PLK3: variants seen among roughly 807,000 people sequenced by gnomAD.
PLK3 encodes the protein polo like kinase 3.
PLK3 carries 41 observed loss-of-function variants against 71.6 expected under a neutral mutation model. The ratio of observed to expected loss-of-function variants is 0.57; its 90% CI spans 0.45 to 0.74. PLK3 has a LOEUF of 0.74. Among genes scored for constraint, PLK3 ranks in the 30% least tolerant of loss-of-function variants. The pLI is 0.00. For missense variants in PLK3, 791 were observed against 875.6 expected (o/e 0.90, Z 1.22); for synonymous variants, 366 against 355.4 (o/e 1.03, Z -0.33).
intron 3 of PLK3, 125 bp from the exon 4 acceptor site, chr1:44,801,494 CACT>C (rs1651828597): frequency 1.0e-6 from 1 of 1,004,224 alleles, no homozygotes; most frequent in African/African-American, 1.6e-5. Context: ...AGGCGTGAGC[CACT>C]ACACCCAGCC....
rs1263454736 is a variant in PLK3, at chr1:44,804,677, A to C, written c.1533A>C (p.Thr511=). Residue 511 remains threonine, a synonymous_variant, in exon 13 of 15, where the codon ACA becomes ACC. Coordinates refer to ENST00000372201, the MANE Select transcript of PLK3 (RefSeq NM_004073.4). ...CTGTGCACTACAATCCCACCAGCACAAAGCACTTCTCCTTCTCCGTGGGTG... is the reference window on the plus strand; with the variant it reads ...CTGTGCACTACAATCCCACCAGCACCAAGCACTTCTCCTTCTCCGTGGGTG... ...RKTVHYNPTS[T]KHFSFSVGAV... 1.2e-6 allele frequency: 2 copies of C among 1,613,972 alleles called. No homozygotes were observed. The highest frequency in any genetic ancestry group is 1.7e-6 in the Non-Finnish European group (2 of 1,179,992).
chr1:44,801,075 C>G lies in PLK3; in HGVS notation c.358C>G (p.Arg120Gly), dbSNP rs141583375. The G allele has an allele frequency of 6.8e-6, 11 of 1,613,720 alleles. No individual in the cohort carries two copies. The African/African-American group carries it at 1.5e-4, about 22-fold the overall frequency. Residue 120 changes from arginine to glycine, a missense_variant, in exon 3 of 15, where the codon CGC becomes GGC. Arg to Gly is a moderately radical substitution (Grantham distance 125). Transcript: ENST00000372201. The part of the protein sequence containing the change: ...EIELHRDLQH[R>G]HIVRFSHHFE... Reference sequence around the variant, plus strand: ...TGAGCTGCACCGAGACCTGCAGCACCGCCACATCGTGCGTTTTTCGCACCA... The same window carrying G: ...TGAGCTGCACCGAGACCTGCAGCACGGCCACATCGTGCGTTTTTCGCACCA...
At position 44,802,363 on chromosome 1, in the gene PLK3, G is replaced by A. The variant is rs577777639; in HGVS notation, c.654-397G>A. On this transcript the variant is annotated intron_variant, in intron 5 of 14. Coordinates refer to ENST00000372201, the MANE Select transcript of PLK3 (RefSeq NM_004073.4). ...ACTTTGTGTGTGTGACACAGATAGC[G>A]TATGTGGCAGATGAGTGTTTATGGG... 6.6e-5 allele frequency among the ~76,000 whole-genome samples: 10 copies of A among 152,270 alleles called. No individual in the cohort carries two copies. In the East Asian group the frequency reaches 7.7e-4, roughly 12 times the overall value.
rs759839341 is a variant in PLK3, at chr1:44,804,795, C to T, written c.1635+16C>T. 6.2e-7 allele frequency: 1 copy of T among 1,612,750 alleles called. No homozygotes were observed. The highest frequency in any genetic ancestry group is 1.7e-5 in the Admixed American group (1 of 59,894). On this transcript the variant is annotated intron_variant, in intron 13 of 14. Coordinates refer to ENST00000372201, the MANE Select transcript of PLK3 (RefSeq NM_004073.4). ...CCTCATGAAGGTGTGAGGGCTGGGGCTGTGGTACATTGAAACCTAACCCAT... is the reference window on the plus strand; with the variant it reads ...CCTCATGAAGGTGTGAGGGCTGGGGTTGTGGTACATTGAAACCTAACCCAT...
chr1:44,803,369 C>A lies in PLK3; in HGVS notation c.1050C>A (p.Ser350Arg). 1.2e-6 allele frequency: 2 copies of A among 1,614,066 alleles called. No homozygotes were observed. Among genetic ancestry groups the A allele is most frequent in the Non-Finnish European group, 1.7e-6 (2 of 1,180,024 alleles). The part of the protein sequence containing the change: ...ARSLFAKVTK[S>R]LFGRKKKSKN... ...GTCTGTTTGCCAAAGTTACCAAGAG[C>A]CTCTTTGGCAGAAAGAAGAAGAGTG... The change falls in exon 8 of 15, where the codon AGC becomes AGA. Residue 350 changes from serine (S) to arginine (R), a missense_variant. By Grantham distance (110) the Ser-to-Arg change is moderately radical (BLOSUM62 -1). Transcript: ENST00000372201. This position sits in a 1 kb window ranked among gnomAD's most constrained non-coding sequence, Gnocchi z 4.3.
Position 44,800,635 on chromosome 1 carries a change from A to G in PLK3, c.172A>G (p.Ser58Gly). The G allele has an allele frequency of 6.5e-7, 1 of 1,543,342 alleles. No homozygotes were observed. Among genetic ancestry groups the G allele is most frequent in the Non-Finnish European group, 8.7e-7 (1 of 1,148,048 alleles). The change falls in exon 1 of 15, where the codon AGC (serine) becomes GGC (glycine). Residue 58 changes from serine (S) to glycine (G), a missense_variant. By Grantham distance (56) the Ser-to-Gly change is moderately conservative. Transcript: ENST00000372201. The surrounding 1 kb of genome is among the most constrained non-coding windows in gnomAD (Gnocchi z 6.5). ...CGGGCGCCTCATCACGGACCCGCGC[A>G]GCGGCCGCACCTACCTCAAAGGCCG... is the stretch of plus-strand genomic sequence containing the variant. ...DPGRLITDPR[S>G]GRTYLKGRLL... is the part of the protein sequence containing the mutation.
chr1:44,803,104 G>T lies in PLK3; in HGVS notation c.899G>T (p.Arg300Leu), dbSNP rs549813850. Residue 300 changes from arginine (R) to leucine (L), a missense_variant, in exon 7 of 15, where the codon CGA becomes CTA. Coordinates refer to ENST00000372201, the MANE Select transcript of PLK3 (RefSeq NM_004073.4). The surrounding 1 kb of genome is among the most constrained non-coding windows in gnomAD (Gnocchi z 4.3). ...GCCGCCATCCTTCGGGCCTCACCCC[G>T]AGACCGCCCCTCTATTGACCAGATC... ...LLAAILRASP[R>L]DRPSIDQILR... 6.2e-7 allele frequency: 1 copy of T among 1,613,710 alleles called. No homozygotes were observed. Among genetic ancestry groups the T allele is most frequent in the Admixed American group, 1.7e-5 (1 of 60,002 alleles).
intron 10 of PLK3, 39 bp downstream of exon 10, chr1:44,804,063 T>A: frequency 6.5e-7 from 1 of 1,546,722 alleles, no homozygotes; most frequent in Non-Finnish European, 8.9e-7. Flanking sequence ...TAGAGGTTGC[T>A]GGAGCTGAGA....
chr1:44,801,203 C>CTTTTTTTT (rs34463102), intron 3 of PLK3, 51 bp downstream of exon 3: 18 of 345,244 alleles, frequency 5.2e-5, no homozygotes, highest in African/African-American at 7.2e-5. Context: ...AGAAGACAGT[C>CTTTTTTTT]TTTTTTTTTT....
chr1:44,805,120 A>G (rs1651981032), intron 13 of PLK3, 146 bp from the exon 14 acceptor site: 1 of 620,948 alleles, frequency 1.6e-6, no homozygotes, highest in Admixed American at 2.9e-5. Flanking sequence ...AAAAAAAATA[A>G]AGAAAAGAAA....
At position 44,804,737 on chromosome 1, in the gene PLK3, C is replaced by T; in HGVS notation, c.1593C>T (p.Ile531=). ...GGGCCCTGCAGCCTCAGCTGGGTAT[C>T]CTGCGGTACTTCGCCTCCTACATGG... The part of the protein sequence containing the change: ...VPRALQPQLG[I]LRYFASYMEQ... The change falls in exon 13 of 15, where the codon ATC becomes ATT. Residue 531 remains isoleucine (I), a synonymous_variant. Coordinates refer to ENST00000372201, the MANE Select transcript of PLK3 (RefSeq NM_004073.4). 6.2e-7 allele frequency: 1 copy of T among 1,614,090 alleles called. No homozygotes were observed. Among genetic ancestry groups the T allele is most frequent in the Non-Finnish European group, 8.5e-7 (1 of 1,179,962 alleles).
Position 44,803,496 on chromosome 1 carries a change from C to T in PLK3, c.1073-104C>T. 3.8e-6 allele frequency: 6 copies of T among 1,584,458 alleles called. No homozygotes were observed. ...GGTGCCTGGAAACTCCTGGGGAGAGCATGTGCAGTACAGGCACTTGGGGAG... is the reference window on the plus strand; with the variant it reads ...GGTGCCTGGAAACTCCTGGGGAGAGTATGTGCAGTACAGGCACTTGGGGAG... On this transcript the variant is annotated intron_variant, in intron 8 of 14. Transcript: ENST00000372201. The surrounding 1 kb of genome is among the most constrained non-coding windows in gnomAD (Gnocchi z 4.3).
At chr1:44,801,534 T>TG in intron 3 of PLK3, 88 bp from the exon 4 acceptor site, 1 of 1,413,806 alleles carries the variant, frequency 7.1e-7, no homozygotes, top group Non-Finnish European at 9.7e-7. Context: ...GACCCAAAGC[T>TG]GGGGCCCTGT....
chr1:44,805,685 A>G lies in PLK3; in HGVS notation c.*7A>G, dbSNP rs982438248. On this transcript the variant is annotated 3_prime_UTR_variant, in exon 15 of 15. Transcript: ENST00000372201. ...GGACCGCAGCCCAGCCTAGGACCCA[A>G]GCCCTGAGGCCTGAGGCCTGTGCCT... 6.2e-7 allele frequency: 1 copy of G among 1,609,884 alleles called. No individual in the cohort carries two copies. The highest frequency in any genetic ancestry group is 8.5e-7 in the Non-Finnish European group (1 of 1,179,548).
At position 44,801,637 on chromosome 1, in the gene PLK3, T is replaced by A; in HGVS notation, c.451T>A (p.Trp151Arg). Residue 151 changes from tryptophan to arginine, a missense_variant, in exon 4 of 15, where the codon TGG becomes AGG. Physicochemically the swap from Trp to Arg is moderately radical, Grantham distance 101. Transcript: ENST00000372201. ...LCSRKSLAHI[W>R]KARHTLLEPE... ...CTCTCTGCAGTCCCTGGCCCACATC[T>A]GGAAGGCCCGGCACACCCTGTTGGA... 1 of 1,613,604 alleles carries A rather than the reference T, an allele frequency of 6.2e-7. No homozygotes were observed. The highest frequency in any genetic ancestry group is 8.5e-7 in the Non-Finnish European group (1 of 1,179,888).
Position 44,800,979 on chromosome 1 carries a change from G to C in PLK3, c.318+32G>C, listed in dbSNP as rs1294895469. 4 of 1,608,338 alleles carry C rather than the reference G, an allele frequency of 2.5e-6. No homozygotes were observed. The highest frequency in any genetic ancestry group is 2.7e-5 in the African/African-American group (2 of 74,828). On this transcript the variant is annotated intron_variant, in intron 2 of 14. Transcript: ENST00000372201. This position sits in a 1 kb window ranked among gnomAD's most constrained non-coding sequence, Gnocchi z 6.5. ...CCAGGCTCAGCGGGCGAGGGGTGGG[G>C]TGGGGACGGTGGCATGGGAACCATG...
chr1:44,805,784 C>T lies in PLK3; in HGVS notation c.*106C>T. On this transcript the variant is annotated 3_prime_UTR_variant, in exon 15 of 15. Coordinates refer to ENST00000372201, the MANE Select transcript of PLK3 (RefSeq NM_004073.4). ...CTCACTGGGGGCTTTGGGCCGAATC[C>T]CCCAGGGAATCAGGGACCAGCTTTA... 2.2e-6 allele frequency: 3 copies of T among 1,352,970 alleles called. No individual in the cohort carries two copies. The highest frequency in any genetic ancestry group is 2.8e-5 in the South Asian group (2 of 72,714). 83.8% of individuals were successfully genotyped at this position (1,352,970 alleles called of 1,614,324 possible).
At position 44,801,126 on chromosome 1, in the gene PLK3, AT is replaced by A; in HGVS notation, c.413del (p.Phe138SerfsTer62). ...CTTTGAGGACGCTGACAACATCTACATTTTCTTGGAGCTCTGCAGCCGAAAG... is the reference window on the plus strand; with the variant it reads ...CTTTGAGGACGCTGACAACATCTACATTTCTTGGAGCTCTGCAGCCGAAAG... ...HHFEDADNIY[I>X]FLELCSRKSL... On this transcript the variant is annotated frameshift_variant, in exon 3 of 15. Coordinates refer to ENST00000372201, the MANE Select transcript of PLK3 (RefSeq NM_004073.4). LOFTEE classifies it high-confidence loss of function. 6.2e-7 allele frequency: 1 copy of A among 1,607,418 alleles called. No individual in the cohort carries two copies. Among genetic ancestry groups the A allele is most frequent in the Non-Finnish European group, 8.5e-7 (1 of 1,177,536 alleles).
In PLK3 at chr1:44,803,294, C is replaced by T. The variant is rs752954743; in HGVS notation, c.975C>T (p.Ile325=). ...TKGYTPDRLP[I]SSCVTVPDLT... Reference sequence around the variant, plus strand: ...GCTACACCCCCGATCGACTCCCTATCAGCAGCTGCGTGACAGTCCCAGACC... The same window carrying T: ...GCTACACCCCCGATCGACTCCCTATTAGCAGCTGCGTGACAGTCCCAGACC... Residue 325 remains isoleucine (I), a synonymous_variant, in exon 8 of 15, where the codon ATC becomes ATT. Coordinates refer to ENST00000372201, the MANE Select transcript of PLK3 (RefSeq NM_004073.4). The surrounding 1 kb of genome is among the most constrained non-coding windows in gnomAD (Gnocchi z 4.3). 3 of 1,614,174 alleles carry T rather than the reference C, an allele frequency of 1.9e-6. No individual in the cohort carries two copies. Among genetic ancestry groups the T allele is most frequent in the East Asian group, 4.5e-5 (2 of 44,884 alleles).
Sources: gnomAD v4.1 joint callset for allele counts (sites outside exome capture counted in the v4.1 genomes callset) on GRCh38, gnomAD v4.1.1 for gene constraint, Gnocchi (gnomAD v3.1) non-coding constraint, MANE v1.5 for transcripts, NCBI Gene and HGNC (gene_info 2026-07-23, HGNC 2026-07-21) for gene names.